Variants in POLG2 observed in about 807,000 individuals in gnomAD.
POLG2 encodes DNA polymerase gamma 2, accessory subunit.
A neutral mutation model predicts 56.5 loss-of-function variants in POLG2; 50 were observed. The observed-to-expected ratio is 0.88, with a 90% CI of 0.71 to 1.12. POLG2 has a LOEUF of 1.12. POLG2 is among the 50% of genes most tolerant of loss of function. POLG2 has a pLI of 0.00. For synonymous variants in POLG2, 226 were observed against 222.6 expected, an observed-to-expected ratio of 1.02 and a Z score of -0.14; for missense variants, 584 against 583.3, an observed-to-expected ratio of 1.00 and a Z score of -0.01.
At chr17:64,483,045 AG>A (rs782786728) in intron 5 of POLG2, 46 bp from the exon 6 acceptor site, 1 of 949,386 alleles carries the variant, frequency 1.1e-6, no homozygotes, top group Non-Finnish European at 1.7e-6. Flanking sequence ...AAGGGGAAAA[AG>A]CATAGTTTGT....
chr17:64,491,412 G>C, intron 3 of POLG2: 1 of 690,204 alleles, frequency 1.4e-6, no homozygotes, highest in Non-Finnish European at 2.4e-6. Flanking sequence ...CTGGGTAACA[G>C]AGCAAGACTT....
intron 4 of POLG2, among the ~76,000 whole-genome samples, chr17:64,488,473 CAGG>C (rs1463888763): frequency 2.0e-5 from 3 of 151,994 alleles, no homozygotes; most frequent in African/African-American, 7.3e-5. Flanking sequence ...AAGGCAGAGG[CAGG>C]AGAACAGCTT....
chr17:64,486,361 C>CTTTTTT (rs56703110), intron 4 of POLG2, among the ~76,000 whole-genome samples: 13 of 141,264 alleles, frequency 9.2e-5, no homozygotes, highest in South Asian at 2.3e-4. Flanking sequence ...AAAGGTAACA[C>CTTTTTT]TTTTTTTTTT....
intron 1 of POLG2, among the ~76,000 whole-genome samples, chr17:64,494,962 A>G (rs1228424507): frequency 6.6e-6 from 1 of 150,492 alleles, no homozygotes; most frequent in East Asian, 2.0e-4. Context: ...TCACAAGGTC[A>G]GGAGATAGAG....
At chr17:64,491,697 G>C (rs1453260622) in intron 3 of POLG2, 5 of 1,090,200 alleles carry the variant, frequency 4.6e-6, no homozygotes, top group Non-Finnish European at 6.9e-6. Flanking sequence ...GAGCATCTCG[G>C]GGTTTACCAT....
At position 64,490,915 on chromosome 17, in the gene POLG2, G is replaced by A. The variant is rs1263906123; in HGVS notation, c.850C>T (p.Arg284Trp). 15 of 1,613,704 alleles carry A rather than the reference G, an allele frequency of 9.3e-6. No individual in the cohort carries two copies. The highest frequency in any genetic ancestry group is 4.0e-5 in the African/African-American group (3 of 74,954). ...SSSDCQDEEGRKGNKLYYNFP... is the reference protein window; with the variant it reads ...SSSDCQDEEGWKGNKLYYNFP... ...TTGTAGTAAAGTTTGTTTCCTTTCC[G>A]GCCTTCTTCATCCTGACAGTCACTG... is the stretch of plus-strand genomic sequence containing the variant. Residue 284 changes from arginine to tryptophan, a missense_variant, in exon 4 of 8, where the codon CGG (arginine) becomes TGG (tryptophan). Transcript: ENST00000539111.
chr17:64,492,229 T>C (rs1449271113), intron 3 of POLG2, among the ~76,000 whole-genome samples: 7 of 152,302 alleles, frequency 4.6e-5, no homozygotes, highest in Non-Finnish European at 8.8e-5. Flanking sequence ...AGTCGGGAAA[T>C]GGTAACATAA....
chr17:64,496,463 G>C lies in POLG2; in HGVS notation c.506C>G (p.Ala169Gly), dbSNP rs1555669526. The C allele has an allele frequency of 6.3e-7, 1 of 1,599,248 alleles. No individual in the cohort carries two copies. Among genetic ancestry groups the C allele is most frequent in the African/African-American group, 1.3e-5 (1 of 74,514 alleles). The change falls in exon 1 of 8, where the codon GCA (alanine) becomes GGA (glycine). Residue 169 changes from alanine to glycine, a missense_variant. Coordinates refer to ENST00000539111, the MANE Select transcript of POLG2 (RefSeq NM_007215.4). ...DKELSKEQLV[A>G]FLENVLKTSG... is the part of the protein sequence containing the mutation. ...AGTTTTTAATACGTTCTCAAGAAAT[G>C]CTACTAGCTGTTCCTTACTCAGCTC...
At chr17:64,486,183 T>C (rs1208504618) in intron 4 of POLG2, among the ~76,000 whole-genome samples, 2 of 152,314 alleles carry the variant, frequency 1.3e-5, no homozygotes, top group Non-Finnish European at 2.9e-5. Context: ...CTGAGCTCAG[T>C]GTTTCATCAG....
At position 64,496,636 on chromosome 17, in the gene POLG2, G is replaced by T; in HGVS notation, c.333C>A (p.Ala111=). ...PLGVELRKNL[A]AEWWTSVVVF... ...CCACCACCGAGGTCCACCATTCTGC[G>T]GCCAGGTTCTTCCGCAACTCTACGC... Residue 111 remains alanine (A), a synonymous_variant, in exon 1 of 8, where the codon GCC becomes GCA. Coordinates refer to ENST00000539111, the MANE Select transcript of POLG2 (RefSeq NM_007215.4). 1 of 1,613,878 alleles carries T rather than the reference G, an allele frequency of 6.2e-7. No homozygotes were observed. The highest frequency in any genetic ancestry group is 8.5e-7 in the Non-Finnish European group (1 of 1,179,978).
rs782361101 is a variant in POLG2, at chr17:64,492,692, C to T, written c.770G>A (p.Arg257His). Residue 257 changes from arginine (R) to histidine (H), a missense_variant, in exon 3 of 8, where the codon CGT becomes CAT. By Grantham distance (29) the Arg-to-His change is conservative. Coordinates refer to ENST00000539111, the MANE Select transcript of POLG2 (RefSeq NM_007215.4). ...TSNQWLDFWL[R>H]HRLQWWRKFA... ...CTTTCTCCACCACTGGAGTCGATGA[C>T]GTAACCAGAAATCAAGCCACTGGTT... 1.8e-5 allele frequency: 29 copies of T among 1,609,760 alleles called. 1 individual carries two copies. The highest frequency in any genetic ancestry group is 7.7e-5 in the South Asian group (7 of 90,996).
chr17:64,487,179 G>A (rs1327628428), intron 4 of POLG2: 2 of 152,016 alleles, frequency 1.3e-5, no homozygotes, highest in Non-Finnish European at 2.9e-5. Flanking sequence ...TATATGTACT[G>A]ACATTTTAAA....
At chr17:64,491,058 G>A (rs1388447745) in intron 3 of POLG2, 89 bp from the exon 4 acceptor site, 11 of 1,043,190 alleles carry the variant, frequency 1.1e-5, no homozygotes, top group South Asian at 5.2e-5. Flanking sequence ...TAAATTGTCC[G>A]ATACTTTTTA....
intron 3 of POLG2, chr17:64,491,620 G>T: frequency 1.3e-6 from 2 of 1,523,544 alleles, no homozygotes; most frequent in East Asian, 4.5e-5. Context: ...AGCCCTAGTG[G>T]CCTTGATGGA....
At chr17:64,492,818 T>C (rs1555668779) in intron 2 of POLG2, 46 bp from the exon 3 acceptor site, 2 of 1,601,506 alleles carry the variant, frequency 1.2e-6, no homozygotes, top group African/African-American at 2.7e-5. Context: ...CTGAAAATTA[T>C]ATAATTTATC....
At chr17:64,485,607 A>G (rs1260086627) in intron 5 of POLG2, 121 bp downstream of exon 5, 6 of 823,526 alleles carry the variant, frequency 7.3e-6, no homozygotes, top group Admixed American at 2.1e-5. Flanking sequence ...AAAAATACTT[A>G]GACTACATGC....
intron 5 of POLG2, chr17:64,485,485 C>T: frequency 2.0e-6 from 1 of 505,446 alleles, no homozygotes; most frequent in Non-Finnish European, 3.5e-6. Context: ...ATAGAGATAG[C>T]TGTCTGTTCA....
intron 4 of POLG2, among the ~76,000 whole-genome samples, chr17:64,489,659 C>T (rs1555668153): frequency 6.6e-6 from 1 of 151,994 alleles, no homozygotes. Flanking sequence ...ACTTGGGAGG[C>T]TGAGGCAGGA....
chr17:64,495,979 G>A (rs2038144460), intron 1 of POLG2, among the ~76,000 whole-genome samples: 1 of 152,184 alleles, frequency 6.6e-6, no homozygotes, highest in African/African-American at 2.4e-5. Flanking sequence ...AAAATGCTGG[G>A]ATTACAGGCG....
Sources: allele counts gnomAD v4.1 joint callset (sites outside exome capture counted in the v4.1 genomes callset), GRCh38; gene constraint gnomAD v4.1.1; transcripts MANE v1.5; gene names NCBI Gene and HGNC (gene_info 2026-07-23, HGNC 2026-07-21).